KCNJ11: variants seen among roughly 807,000 people sequenced by gnomAD.
KCNJ11 encodes potassium inwardly rectifying channel subfamily J member 11.
In KCNJ11, 12 loss-of-function variants were observed where a neutral mutation model predicts 17.3. The observed-to-expected ratio is 0.69, with a 90% CI of 0.44 to 1.12. KCNJ11 has a LOEUF of 1.12. Among genes scored for constraint, KCNJ11 ranks in the 50% most tolerant of loss-of-function variants. KCNJ11 has a pLI of 0.00. For missense variants in KCNJ11, 386 were observed against 554.1 expected (o/e 0.70, Z 3.05); for synonymous variants, 211 against 223.4 (o/e 0.94, Z 0.50).
Position 17,387,198 on chromosome 11 carries a change from G to T in KCNJ11, c.894C>A (p.Thr298=). The T allele has an allele frequency of 6.2e-7, 1 of 1,614,250 alleles. No homozygotes were observed. Among genetic ancestry groups the T allele is most frequent in the Non-Finnish European group, 8.5e-7 (1 of 1,180,042 alleles). The change falls in exon 1 of 1, where the codon ACC becomes ACA. Residue 298 remains threonine (T), a synonymous_variant. Transcript: ENST00000339994. The part of the protein sequence containing the change: ...EGVVETTGIT[T]QARTSYLADE... ...CGGCCAGGTAGGAGGTGCGGGCCTG[G>T]GTGGTGATGCCCGTGGTTTCCACCA...
chr11:17,386,964 G>C lies in KCNJ11; in HGVS notation c.1128C>G (p.Ala376=). The C allele has an allele frequency of 6.2e-7, 1 of 1,613,490 alleles. No individual in the cohort carries two copies. Among genetic ancestry groups the C allele is most frequent in the Non-Finnish European group, 8.5e-7 (1 of 1,179,694 alleles). The change falls in exon 1 of 1, where the codon GCC becomes GCG. Residue 376 remains alanine, a synonymous_variant. Coordinates refer to ENST00000339994, the MANE Select transcript of KCNJ11 (RefSeq NM_000525.4). ...AGATGCTGAACTTGGGCTTGGCCTT[G>C]GCCATGGGCACGCTGCGCTTGCGCA... is the stretch of plus-strand genomic sequence containing the variant. ...GPLRKRSVPM[A]KAKPKFSISP...
In KCNJ11 at chr11:17,388,288, A is replaced by G; in HGVS notation, c.-197T>C. 1.6e-6 allele frequency: 1 copy of G among 606,338 alleles called. No homozygotes were observed. Among genetic ancestry groups the G allele is most frequent in the Non-Finnish European group, 3.0e-6 (1 of 336,010 alleles). 37.6% of individuals were successfully genotyped at this position (606,338 alleles called of 1,614,324 possible). ...CACCTGGGTCCCACTTCACTTCTTA[A>G]TACCAGCCTCAGGCCGGGCGCGGTG... is the stretch of plus-strand genomic sequence containing the variant. On this transcript the variant is annotated 5_prime_UTR_variant, in exon 1 of 1. Coordinates refer to ENST00000339994, the MANE Select transcript of KCNJ11 (RefSeq NM_000525.4).
rs1953595997 is a variant in KCNJ11 at position 17,388,152 on chromosome 11, A to C, written c.-61T>G. ...CGGAGGCACCCCTCGGACGTGGCCT[A>C]GGGCCTCACTGCAGAGTCCTCTCGG... On this transcript the variant is annotated 5_prime_UTR_variant, in exon 1 of 1. Coordinates refer to ENST00000339994, the MANE Select transcript of KCNJ11 (RefSeq NM_000525.4). 6.6e-7 allele frequency: 1 copy of C among 1,510,590 alleles called. No homozygotes were observed. Among genetic ancestry groups the C allele is most frequent in the Non-Finnish European group, 9.1e-7 (1 of 1,094,558 alleles). The allele number at this position is 1,510,590 out of a possible 1,614,324, so 93.6% of individuals were successfully genotyped here.
Position 17,387,158 on chromosome 11 carries a change from C to A in KCNJ11, c.934G>T (p.Gly312Cys). ...GCTACAATGGGCACAAAGCGCTGGC[C>A]CCACAGGATCTCATCGGCCAGGTAG... The part of the protein sequence containing the change: ...TSYLADEILW[G>C]QRFVPIVAEE... The change falls in exon 1 of 1, where the codon GGC (glycine) becomes TGC (cysteine). Residue 312 changes from glycine (G) to cysteine (C), a missense_variant. Coordinates refer to ENST00000339994, the MANE Select transcript of KCNJ11 (RefSeq NM_000525.4). 6.2e-7 allele frequency: 1 copy of A among 1,614,222 alleles called. No individual in the cohort carries two copies. The highest frequency in any genetic ancestry group is 8.5e-7 in the Non-Finnish European group (1 of 1,180,038).
In KCNJ11 at chr11:17,387,917, C is replaced by T. The variant is rs80356616; in HGVS notation, c.175G>A (p.Val59Met). ...TTGAGGTCCACCAGCGTGGTGAACACGTCCTGCAGGAAGCGGCCCTGCTCC... is the reference window on the plus strand; with the variant it reads ...TTGAGGTCCACCAGCGTGGTGAACATGTCCTGCAGGAAGCGGCCCTGCTCC... ...IREQGRFLQD[V>M]FTTLVDLKWP... Residue 59 changes from valine to methionine, a missense_variant, in exon 1 of 1, where the codon GTG (valine) becomes ATG (methionine). Coordinates refer to ENST00000339994, the MANE Select transcript of KCNJ11 (RefSeq NM_000525.4). 1 of 1,609,574 alleles carries T rather than the reference C, an allele frequency of 6.2e-7. No individual in the cohort carries two copies. Among genetic ancestry groups the T allele is most frequent in the Admixed American group, 1.7e-5 (1 of 59,942 alleles).
Position 17,387,788 on chromosome 11 carries a change from G to T in KCNJ11, c.304C>A (p.Pro102Thr). 6.2e-7 allele frequency: 1 copy of T among 1,614,132 alleles called. No homozygotes were observed. The highest frequency in any genetic ancestry group is 1.1e-5 in the South Asian group (1 of 91,080). The change falls in exon 1 of 1, where the codon CCC (proline) becomes ACC (threonine). Residue 102 changes from proline (P) to threonine (T), a missense_variant. Physicochemically the swap from Pro to Thr is conservative, Grantham distance 38 (BLOSUM62 -1). Transcript: ENST00000339994. ...LIAFAHGDLA[P>T]SEGTAEPCVT... The stretch of plus-strand genomic sequence containing the variant: ...CAGGGCTCAGCAGTGCCCTCGCTGG[G>T]GGCCAGGTCACCGTGGGCGAAGGCG...
rs770610826 is a variant in KCNJ11 at position 17,386,892 on chromosome 11, C to T, written c.*27G>A. The T allele has an allele frequency of 1.3e-5, 21 of 1,596,268 alleles. No individual in the cohort carries two copies. Among genetic ancestry groups the T allele is most frequent in the East Asian group, 4.5e-5 (2 of 44,768 alleles). ...ACCACATGGTCCGTGTGTACACACG[C>T]GTGTGGGGGGCCCGAGAGACCATGG... On this transcript the variant is annotated 3_prime_UTR_variant, in exon 1 of 1. Coordinates refer to ENST00000339994, the MANE Select transcript of KCNJ11 (RefSeq NM_000525.4).
At position 17,386,854 on chromosome 11, in the gene KCNJ11, G is replaced by A. The variant is rs557821086; in HGVS notation, c.*65C>T. 1 of 1,457,622 alleles carries A rather than the reference G, an allele frequency of 6.9e-7. No individual in the cohort carries two copies. Among genetic ancestry groups the A allele is most frequent in the South Asian group, 1.3e-5 (1 of 76,172 alleles). 90.3% of individuals were successfully genotyped at this position (1,457,622 alleles called of 1,614,324 possible). A position where few individuals can be genotyped will look rare whatever the true frequency, so the allele number is the denominator to read the frequency against. On this transcript the variant is annotated 3_prime_UTR_variant, in exon 1 of 1. Transcript: ENST00000339994. ...CTGGCCCAGCCTCACACCAGGCCCT[G>A]GCCGGGCTACATACCACATGGTCCG...
chr11:17,386,561 G>C lies in KCNJ11; in HGVS notation c.*358C>G, dbSNP rs1591693975. The C allele has an allele frequency of 4.1e-6, 1 of 246,904 alleles. No individual in the cohort carries two copies. The highest frequency in any genetic ancestry group is 7.6e-5 in the East Asian group (1 of 13,164). The allele number at this position is 246,904 out of a possible 1,614,324, so 15.3% of individuals were successfully genotyped here. ...CACAGACGCAAAGCAGCAGCCCTCGGGGATTGTTCTTCCCCAGCCACCGGC... is the reference window on the plus strand; with the variant it reads ...CACAGACGCAAAGCAGCAGCCCTCGCGGATTGTTCTTCCCCAGCCACCGGC... On this transcript the variant is annotated 3_prime_UTR_variant, in exon 1 of 1. Transcript: ENST00000339994.
At position 17,388,232 on chromosome 11, in the gene KCNJ11, G is replaced by A. The variant is rs1043120500; in HGVS notation, c.-141C>T. The A allele has an allele frequency of 8.6e-6, 6 of 694,510 alleles. No homozygotes were observed. Among genetic ancestry groups the A allele is most frequent in the Admixed American group, 2.9e-5 (1 of 35,034 alleles). The allele number at this position is 694,510 out of a possible 1,614,324, so 43.0% of individuals were successfully genotyped here. ...CAGCCTGTGCTGGCCTCACTTCTGA[G>A]ATAACTCCCCACCAGACTCTTCCTT... is the stretch of plus-strand genomic sequence containing the variant. On this transcript the variant is annotated 5_prime_UTR_variant, in exon 1 of 1. Transcript: ENST00000339994.
In KCNJ11 at chr11:17,387,693, A is replaced by G; in HGVS notation, c.399T>C (p.Phe133=). The G allele has an allele frequency of 6.2e-7, 1 of 1,614,108 alleles. No individual in the cohort carries two copies. Among genetic ancestry groups the G allele is most frequent in the Non-Finnish European group, 8.5e-7 (1 of 1,180,028 alleles). ...ACTCCTCAGTCACCATGCGCCCCCC[A>G]AAGCCAATAGTCACTTGGACCTCAA... ...FSIEVQVTIG[F]GGRMVTEECP... is the part of the protein sequence containing the mutation. The change falls in exon 1 of 1, where the codon TTT becomes TTC. Residue 133 remains phenylalanine, a synonymous_variant. Transcript: ENST00000339994.
rs1205215307 is a variant in KCNJ11 at position 17,385,834 on chromosome 11, CA to C, written c.*1084del. On this transcript the variant is annotated 3_prime_UTR_variant, in exon 1 of 1. Coordinates refer to ENST00000339994, the MANE Select transcript of KCNJ11 (RefSeq NM_000525.4). ...CCCACCAGCATGCTTGCTGCCTCCC[CA>C]GCAAGAAAAGCCCAGAGTTTAGGTC... The C allele has an allele frequency of 6.6e-6, 1 of 152,394 alleles. No individual in the cohort carries two copies. The highest frequency in any genetic ancestry group is 1.5e-5 in the Non-Finnish European group (1 of 68,146). 9.4% of individuals were successfully genotyped at this position (152,394 alleles called of 1,614,324 possible).
rs776275457 is a variant in KCNJ11 at position 17,387,786 on chromosome 11, G to A, written c.306C>T (p.Pro102=). The change falls in exon 1 of 1, where the codon CCC becomes CCT. Residue 102 remains proline, a synonymous_variant. Transcript: ENST00000339994. The part of the protein sequence containing the change: ...LIAFAHGDLA[P]SEGTAEPCVT... ...CACAGGGCTCAGCAGTGCCCTCGCT[G>A]GGGGCCAGGTCACCGTGGGCGAAGG... The A allele has an allele frequency of 1.2e-6, 2 of 1,614,100 alleles. No homozygotes were observed. Among genetic ancestry groups the A allele is most frequent in the South Asian group, 1.1e-5 (1 of 91,072 alleles).
rs1252493997 is a variant in KCNJ11 at position 17,387,239 on chromosome 11, C to CGAT, written c.850_852dup (p.Ile284dup). On this transcript the variant is annotated inframe_insertion, in exon 1 of 1. Coordinates refer to ENST00000339994, the MANE Select transcript of KCNJ11 (RefSeq NM_000525.4). ...GTTTCCACCACGCCTTCCAGGATGA[C>CGAT]GATGATCTCGAGGTCCTGGTGGTGG... is the stretch of plus-strand genomic sequence containing the variant. 1 of 1,614,230 alleles carries CGAT rather than the reference C, an allele frequency of 6.2e-7. No individual in the cohort carries two copies. Among genetic ancestry groups the CGAT allele is most frequent in the Non-Finnish European group, 8.5e-7 (1 of 1,180,034 alleles).
upstream of KCNJ11, chr11:17,389,014 T>C (rs1355474975): frequency 1.0e-5 from 3 of 286,326 alleles, no homozygotes; most frequent in Non-Finnish European, 1.5e-5. Context: ...CTGCGTTCTC[T>C]GGAGTCACCA....
chr11:17,388,286 T>C lies in KCNJ11; in HGVS notation c.-195A>G, dbSNP rs1953598340. ...TCCACCTGGGTCCCACTTCACTTCT[T>C]AATACCAGCCTCAGGCCGGGCGCGG... On this transcript the variant is annotated 5_prime_UTR_variant, in exon 1 of 1. Coordinates refer to ENST00000339994, the MANE Select transcript of KCNJ11 (RefSeq NM_000525.4). 1.6e-6 allele frequency: 1 copy of C among 607,514 alleles called. No homozygotes were observed. The highest frequency in any genetic ancestry group is 3.0e-5 in the Admixed American group (1 of 33,154). The allele number at this position is 607,514 out of a possible 1,614,324, so 37.6% of individuals were successfully genotyped here. A position where few individuals can be genotyped will look rare whatever the true frequency, so the allele number is the denominator to read the frequency against.
chr11:17,386,018 A>C lies in KCNJ11; in HGVS notation c.*901T>G, dbSNP rs1428748405. The C allele has an allele frequency of 6.6e-6, 1 of 152,406 alleles. No individual in the cohort carries two copies. Among genetic ancestry groups the C allele is most frequent in the Non-Finnish European group, 1.5e-5 (1 of 68,250 alleles). 9.4% of individuals were successfully genotyped at this position (152,406 alleles called of 1,614,324 possible). On this transcript the variant is annotated 3_prime_UTR_variant, in exon 1 of 1. Coordinates refer to ENST00000339994, the MANE Select transcript of KCNJ11 (RefSeq NM_000525.4). ...CTCCCACCATCCTGAACCTTCCCACACCTTTTCCAGCAACCCAAAGATATC... is the reference window on the plus strand; with the variant it reads ...CTCCCACCATCCTGAACCTTCCCACCCCTTTTCCAGCAACCCAAAGATATC...
chr11:17,386,994 C>A lies in KCNJ11; in HGVS notation c.1098G>T (p.Gly366=). Residue 366 remains glycine (G), a synonymous_variant, in exon 1 of 1, where the codon GGG becomes GGT. Transcript: ENST00000339994. The part of the protein sequence containing the change: ...LEALTLASAR[G]PLRKRSVPMA... ...TGGGCACGCTGCGCTTGCGCAGGGG[C>A]CCGCGGGCTGAGGCGAGGGTCAGAG... The A allele has an allele frequency of 6.2e-7, 1 of 1,613,778 alleles. No homozygotes were observed. The highest frequency in any genetic ancestry group is 8.5e-7 in the Non-Finnish European group (1 of 1,179,782).
In KCNJ11 at chr11:17,388,154, G is replaced by A; in HGVS notation, c.-63C>T. ...GAGGCACCCCTCGGACGTGGCCTAG[G>A]GCCTCACTGCAGAGTCCTCTCGGTG... On this transcript the variant is annotated 5_prime_UTR_variant, in exon 1 of 1. Transcript: ENST00000339994. 1.3e-6 allele frequency: 2 copies of A among 1,498,494 alleles called. No individual in the cohort carries two copies. Among genetic ancestry groups the A allele is most frequent in the South Asian group, 2.3e-5 (2 of 87,468 alleles). The allele number at this position is 1,498,494 out of a possible 1,614,324, so 92.8% of individuals were successfully genotyped here.
Sources: gnomAD v4.1 joint callset for allele counts on GRCh38, gnomAD v4.1.1 for gene constraint, MANE v1.5 for transcripts, NCBI Gene and HGNC (gene_info 2026-07-23, HGNC 2026-07-21) for gene names.